Variants in PTPRN2 observed in about 807,000 individuals in gnomAD.
PTPRN2 encodes receptor-type tyrosine-protein phosphatase N2.
A neutral mutation model predicts 118.8 loss-of-function variants in PTPRN2; 74 were observed. That is an observed-to-expected ratio of 0.62 (90% confidence interval 0.52 to 0.76). The LOEUF is 0.76. Among genes scored for constraint, PTPRN2 ranks in the 30% least tolerant of loss-of-function variants. The pLI, the probability that PTPRN2 is intolerant of heterozygous loss-of-function variation, is 0.00. For synonymous variants in PTPRN2, 641 were observed against 608.0 expected (o/e 1.05, Z -0.80); for missense variants, 1,481 against 1,394.4 (o/e 1.06, Z -0.99).
intron 2 of PTPRN2, among the ~76,000 whole-genome samples, chr7:158,416,839 C>T (rs1261860008): frequency 6.6e-6 from 1 of 152,162 alleles, no homozygotes; most frequent in Non-Finnish European, 1.5e-5. Flanking sequence ...GCAATAAGAC[C>T]TTCACAGTAA....
intron 17 of PTPRN2, among the ~76,000 whole-genome samples, chr7:157,581,898 G>C (rs1800400144): frequency 6.6e-6 from 1 of 152,220 alleles, no homozygotes; most frequent in Non-Finnish European, 1.5e-5. Flanking sequence ...CAGACACGGA[G>C]AGCGGCCACG....
At chr7:158,153,469 AC>A in intron 6 of PTPRN2, among the ~76,000 whole-genome samples, 1 of 151,958 alleles carries the variant, frequency 6.6e-6, no homozygotes, top group East Asian at 1.9e-4. Flanking sequence ...GTAAACATTC[AC>A]CCCTAGACAC....
chr7:157,883,335 A>C (rs1171410958), intron 12 of PTPRN2, among the ~76,000 whole-genome samples: 5 of 151,896 alleles, frequency 3.3e-5, no homozygotes, highest in African/African-American at 1.2e-4. Flanking sequence ...ACCACCCCAA[A>C]ATGACTGTTG....
chr7:158,001,972 G>A (rs1472487576), intron 11 of PTPRN2, among the ~76,000 whole-genome samples: 1 of 152,210 alleles, frequency 6.6e-6, no homozygotes, highest in Non-Finnish European at 1.5e-5. Context: ...TCCAGGTCCT[G>A]GGATCACGTT....
rs1803603977 is a variant in PTPRN2, at chr7:157,780,427, G to T, written c.1789-97490C>A. On this transcript the variant is annotated intron_variant, in intron 12 of 22. Transcript: ENST00000389418. This position sits in a 1 kb window ranked among gnomAD's most constrained non-coding sequence, Gnocchi z 4.5. Reference sequence around the variant, plus strand: ...GGCCTCAGGAGTGTGAAGGAGGCTTGGCTGGCGGAGGGGCCGTGCTGCTGG... The same window carrying T: ...GGCCTCAGGAGTGTGAAGGAGGCTTTGCTGGCGGAGGGGCCGTGCTGCTGG... 6.6e-6 allele frequency among the ~76,000 whole-genome samples: 1 copy of T among 152,230 alleles called. No individual in the cohort carries two copies. Among genetic ancestry groups the T allele is most frequent in the Non-Finnish European group, 1.5e-5 (1 of 68,042 alleles).
At position 157,637,794 on chromosome 7, in the gene PTPRN2, G is replaced by A. The variant is rs549397009; in HGVS notation, c.2197-16285C>T. Among the ~76,000 whole-genome samples the A allele has an allele frequency of 3.3e-5, 5 of 152,300 alleles. No homozygotes were observed. The South Asian group carries it at 1.0e-3, about 32-fold the overall frequency. On this transcript the variant is annotated intron_variant, in intron 14 of 22. Transcript: ENST00000389418. The stretch of plus-strand genomic sequence containing the variant: ...AGGCAACGCATAGACAGCTTCTCCC[G>A]CTCCCAAGTAGCAGGTCTTTTCTTA...
intron 11 of PTPRN2, among the ~76,000 whole-genome samples, chr7:157,997,405 A>AG (rs1804836119): frequency 6.6e-6 from 1 of 152,242 alleles, no homozygotes; most frequent in African/African-American, 2.4e-5. Context: ...ACTTCAGGAC[A>AG]GGGGGCTGCT....
chr7:158,025,673 G>A (rs149346252), intron 11 of PTPRN2, among the ~76,000 whole-genome samples: 3 of 152,286 alleles, frequency 2.0e-5, no homozygotes, highest in Non-Finnish European at 2.9e-5. Flanking sequence ...GTTGGATATC[G>A]GCAAGTAAGA....
intron 12 of PTPRN2, among the ~76,000 whole-genome samples, chr7:157,809,047 G>A (rs1272860699): frequency 6.6e-6 from 1 of 152,220 alleles, no homozygotes; most frequent in African/African-American, 2.4e-5. Flanking sequence ...TGGAATGTGG[G>A]CAATTTTTAA....
At position 157,944,749 on chromosome 7, in the gene PTPRN2, C is replaced by G. The variant is rs1202658670; in HGVS notation, c.1724-46012G>C. Among the ~76,000 whole-genome samples the G allele has an allele frequency of 6.6e-6, 1 of 152,132 alleles. No individual in the cohort carries two copies. The highest frequency in any genetic ancestry group is 1.9e-4 in the East Asian group (1 of 5,164). ...CCACGTGCATGGATGAGAGCTGTGC[C>G]CCTCTCTTCTCTAAGCCAAGGGGCT... On this transcript the variant is annotated intron_variant, in intron 11 of 22. Transcript: ENST00000389418. The surrounding 1 kb of genome is among the most constrained non-coding windows in gnomAD (Gnocchi z 4.3).
At chr7:157,694,290 G>T (rs1797663768) in intron 12 of PTPRN2, among the ~76,000 whole-genome samples, 1 of 152,150 alleles carries the variant, frequency 6.6e-6, no homozygotes, top group African/African-American at 2.4e-5. Context: ...GGCCTGAAAG[G>T]TTCCATGCGG....
intron 10 of PTPRN2, among the ~76,000 whole-genome samples, chr7:158,108,807 C>G (rs1289134376): frequency 6.6e-6 from 1 of 152,378 alleles, no homozygotes; most frequent in East Asian, 1.9e-4. Context: ...AGGCAGGGCC[C>G]ATGTATCTCA....
intron 11 of PTPRN2, chr7:158,027,308 A>G (rs889134589): frequency 1.3e-5 from 2 of 152,206 alleles, no homozygotes; most frequent in African/African-American, 4.8e-5. Context: ...AATACTCTCA[A>G]ATGAAATCAT....
intron 16 of PTPRN2, 72 bp from the exon 17 acceptor site, chr7:157,595,387 G>T: frequency 5.6e-6 from 8 of 1,417,294 alleles, no homozygotes; most frequent in Non-Finnish European, 7.9e-6. Context: ...AAGCCTGGAG[G>T]TTAGGAAGCC....
At chr7:158,129,366 CCA>C (rs369545391) in intron 9 of PTPRN2, among the ~76,000 whole-genome samples, 1 of 151,332 alleles carries the variant, frequency 6.6e-6, no homozygotes, top group Non-Finnish European at 1.5e-5. Flanking sequence ...ACACAGCACA[CCA>C]CACACAAACA....
chr7:158,488,183 G>A (rs528196664), intron 2 of PTPRN2, among the ~76,000 whole-genome samples: 3 of 152,254 alleles, frequency 2.0e-5, no homozygotes, highest in African/African-American at 7.2e-5. Context: ...TTGAGTCCAG[G>A]CAGACGACGT....
At chr7:158,251,724 CG>C (rs1796692034) in intron 3 of PTPRN2, among the ~76,000 whole-genome samples, 1 of 148,932 alleles carries the variant, frequency 6.7e-6, no homozygotes, top group African/African-American at 2.5e-5. Flanking sequence ...CTATGGTGCA[CG>C]TGTGGTGTGC....
chr7:158,565,981 T>C lies in PTPRN2; in HGVS notation c.112+21577A>G, dbSNP rs1187718131. Among the ~76,000 whole-genome samples the C allele has an allele frequency of 1.3e-5, 2 of 152,190 alleles. No individual in the cohort carries two copies. Among genetic ancestry groups the C allele is most frequent in the Non-Finnish European group, 2.9e-5 (2 of 68,036 alleles). ...TCAGCCATTTCTCTCCCTTTAAAAATCTCTCCCTGAGATTATGGATAATTT... is the reference window on the plus strand; with the variant it reads ...TCAGCCATTTCTCTCCCTTTAAAAACCTCTCCCTGAGATTATGGATAATTT... On this transcript the variant is annotated intron_variant, in intron 1 of 22. Transcript: ENST00000389418. The surrounding 1 kb of genome is among the most constrained non-coding windows in gnomAD (Gnocchi z 4.6).
chr7:157,672,055 G>A (rs1011269294), intron 13 of PTPRN2, among the ~76,000 whole-genome samples: 2 of 152,048 alleles, frequency 1.3e-5, no homozygotes, highest in Non-Finnish European at 2.9e-5. Flanking sequence ...GGGAGCAGCC[G>A]GCCCGAGGAC....
Sources: allele counts gnomAD v4.1 joint callset (sites outside exome capture counted in the v4.1 genomes callset), GRCh38; gene constraint gnomAD v4.1.1; non-coding constraint Gnocchi (gnomAD v3.1); transcripts MANE v1.5; gene names NCBI Gene and HGNC (gene_info 2026-07-23, HGNC 2026-07-21).